Variants in NELL2 observed in about 807,000 individuals in gnomAD.
NELL2 encodes the protein protein kinase C-binding protein NELL2.
In NELL2, 41 loss-of-function variants were observed where a neutral mutation model predicts 109.6. The ratio of observed to expected loss-of-function variants is 0.37; its 90% CI spans 0.29 to 0.49. NELL2 has a LOEUF of 0.49. NELL2 is among the 20% of genes least tolerant of loss of function. The pLI, the probability that NELL2 is intolerant of heterozygous loss-of-function variation, is 0.98. For missense variants in NELL2, 900 were observed against 1,008.3 expected (o/e 0.89, Z 1.45); for synonymous variants, 355 against 344.7 (o/e 1.03, Z -0.33).
intron 10 of NELL2, among the ~76,000 whole-genome samples, chr12:44,712,495 G>A (rs1938258332): frequency 6.6e-6 from 1 of 151,928 alleles, no homozygotes; most frequent in African/African-American, 2.4e-5. Context: ...CCCTAGGACT[G>A]CTAATATTTT....
Position 44,520,079 on chromosome 12 carries a change from C to T in NELL2, c.2326G>A (p.Glu776Lys), listed in dbSNP as rs369537621. Residue 776 changes from glutamate to lysine, a missense_variant, in exon 19 of 20, where the codon GAA becomes AAA. Transcript: ENST00000429094. ...RNDITKTCLD[E>K]MNVVRFTGSS... ...CCGGTGAAGCGAACCACATTCATTT[C>T]GTCCAGGCAAGTCTTGGTGATGTCA... 1.2e-5 allele frequency: 20 copies of T among 1,613,996 alleles called. No homozygotes were observed. The highest frequency in any genetic ancestry group is 8.3e-5 in the Admixed American group (5 of 59,996).
At chr12:44,907,681 G>C (rs529611754) in intron 1 of NELL2, among the ~76,000 whole-genome samples, 13 of 152,162 alleles carry the variant, frequency 8.5e-5, no homozygotes, top group African/African-American at 2.6e-4. Context: ...TTGAGTGAAG[G>C]CAAAGTAGGA....
intron 3 of NELL2, among the ~76,000 whole-genome samples, chr12:44,795,920 T>C (rs1942605434): frequency 6.6e-6 from 1 of 152,140 alleles, no homozygotes. Flanking sequence ...TTTTCTGATA[T>C]TTTTGTTAAT....
chr12:44,706,992 G>GTA (rs762174525), intron 11 of NELL2, among the ~76,000 whole-genome samples: 6 of 152,148 alleles, frequency 3.9e-5, no homozygotes, highest in Non-Finnish European at 7.4e-5. Flanking sequence ...AGTAGGAACA[G>GTA]TATATATATA....
intron 3 of NELL2, among the ~76,000 whole-genome samples, chr12:44,793,563 TAACAGTGATGGTG>T (rs1382325184): frequency 1.3e-5 from 2 of 152,164 alleles, no homozygotes; most frequent in Non-Finnish European, 2.9e-5. Flanking sequence ...TAGCCTTTAG[TAACAGTGATGGTG>T]ATACAACACC....
chr12:44,685,057 C>G (rs895766895), intron 12 of NELL2, among the ~76,000 whole-genome samples: 3 of 151,954 alleles, frequency 2.0e-5, no homozygotes, highest in African/African-American at 7.3e-5. Flanking sequence ...GAGTCTAAGT[C>G]TCTTTGTAGG....
intron 2 of NELL2, among the ~76,000 whole-genome samples, chr12:44,818,766 C>G (rs1194831289): frequency 1.8e-5 from 2 of 112,048 alleles, no homozygotes; most frequent in Admixed American, 1.3e-4. Flanking sequence ...GACGGAGTCT[C>G]GCTCTGTCGC....
At chr12:44,768,669 T>C (rs1941429887) in intron 9 of NELL2, among the ~76,000 whole-genome samples, 1 of 152,210 alleles carries the variant, frequency 6.6e-6, no homozygotes, top group Admixed American at 6.5e-5. Context: ...TAAAATTCCT[T>C]ATTCACTACA....
At chr12:44,631,474 T>C (rs1055813811) in intron 13 of NELL2, among the ~76,000 whole-genome samples, 2 of 151,962 alleles carry the variant, frequency 1.3e-5, no homozygotes, top group Non-Finnish European at 2.9e-5. Context: ...TTTATACATT[T>C]ATATGCATTC....
At chr12:44,639,221 G>C (rs1035881825) in intron 13 of NELL2, among the ~76,000 whole-genome samples, 10 of 152,034 alleles carry the variant, frequency 6.6e-5, no homozygotes, top group Non-Finnish European at 1.3e-4. Flanking sequence ...AAAAGTATTA[G>C]GTATGCCTAG....
intron 2 of NELL2, among the ~76,000 whole-genome samples, chr12:44,859,517 G>A (rs1422556259): frequency 6.6e-6 from 1 of 152,112 alleles, no homozygotes; most frequent in Non-Finnish European, 1.5e-5. Context: ...CTCCAGTCTG[G>A]GTGACAGAGT....
chr12:44,615,792 T>C (rs1945797955), intron 13 of NELL2, among the ~76,000 whole-genome samples: 1 of 152,174 alleles, frequency 6.6e-6, no homozygotes, highest in Non-Finnish European at 1.5e-5. Flanking sequence ...GGAGTCTTAT[T>C]AGAATTATAG....
At chr12:44,633,470 A>C (rs998555390) in intron 13 of NELL2, among the ~76,000 whole-genome samples, 3 of 152,102 alleles carry the variant, frequency 2.0e-5, no homozygotes, top group African/African-American at 7.2e-5. Context: ...AGAAAGAAAT[A>C]ATAAAGAAGT....
At chr12:44,605,896 A>G (rs1205603898) in intron 15 of NELL2, among the ~76,000 whole-genome samples, 1 of 152,130 alleles carries the variant, frequency 6.6e-6, no homozygotes, top group East Asian at 1.9e-4. Context: ...ACATGAGAGG[A>G]CTACTGCAGT....
chr12:44,605,616 TC>T (rs1225826682), intron 15 of NELL2, among the ~76,000 whole-genome samples: 2 of 152,296 alleles, frequency 1.3e-5, no homozygotes, highest in East Asian at 3.9e-4. Context: ...TGATATTTTC[TC>T]CTAGTGGAAG....
intron 2 of NELL2, among the ~76,000 whole-genome samples, chr12:44,872,882 C>A (rs1396922891): frequency 6.6e-6 from 1 of 152,114 alleles, no homozygotes; most frequent in African/African-American, 2.4e-5. Context: ...TCTATAAAAT[C>A]TTCAGTCTGT....
intron 1 of NELL2, among the ~76,000 whole-genome samples, chr12:44,888,391 T>C (rs904072909): frequency 4.0e-5 from 6 of 151,368 alleles, no homozygotes; most frequent in African/African-American, 1.5e-4. Flanking sequence ...GTTTTTTTTT[T>C]TTTTTTGAAA....
chr12:44,769,308 A>G (rs1941454874), intron 9 of NELL2, among the ~76,000 whole-genome samples: 1 of 152,132 alleles, frequency 6.6e-6, no homozygotes, highest in South Asian at 2.1e-4. Context: ...CTTACTTTTT[A>G]TTATTTAATA....
intron 11 of NELL2, among the ~76,000 whole-genome samples, chr12:44,704,856 T>C (rs1431750741): frequency 6.6e-6 from 1 of 151,822 alleles, no homozygotes; most frequent in African/African-American, 2.4e-5. Flanking sequence ...CCGTCTGTAC[T>C]AAAAATATAA....
Sources: allele counts gnomAD v4.1 joint callset (sites outside exome capture counted in the v4.1 genomes callset), GRCh38; gene constraint gnomAD v4.1.1; transcripts MANE v1.5; gene names NCBI Gene and HGNC (gene_info 2026-07-23, HGNC 2026-07-21).